Variants in COL18A1 observed in about 807,000 individuals in gnomAD.
COL18A1 encodes collagen alpha-1(XVIII) chain.
In COL18A1, 133 loss-of-function variants were observed where a neutral mutation model predicts 168.0. The ratio of observed to expected loss-of-function variants is 0.79; its 90% CI spans 0.69 to 0.91. COL18A1 has a LOEUF of 0.91. Among genes scored for constraint, COL18A1 ranks in the 40% least tolerant of loss-of-function variants. The pLI, the probability that COL18A1 is intolerant of heterozygous loss-of-function variation, is 0.00. For missense variants in COL18A1, 2,126 were observed against 1,925.4 expected, an observed-to-expected ratio of 1.10 and a Z score of -1.95; for synonymous variants, 949 against 809.0, an observed-to-expected ratio of 1.17 and a Z score of -2.94.
chr21:45,487,267 G>A (rs905708701), intron 16 of COL18A1, among the ~76,000 whole-genome samples, 180 bp from the exon 17 acceptor site: 1 of 152,008 alleles, frequency 6.6e-6, no homozygotes, highest in Admixed American at 6.5e-5. Context: ...GGGCTGCCCC[G>A]GGGGGGCTCC....
intron 15 of COL18A1, among the ~76,000 whole-genome samples, chr21:45,485,715 G>T (rs2036085563): frequency 6.6e-6 from 1 of 152,196 alleles, no homozygotes; most frequent in Non-Finnish European, 1.5e-5. Context: ...GGCAGTCGAG[G>T]ATCACCTTGG....
chr21:45,509,725 G>GGCTCAGGGCC, intron 39 of COL18A1, 124 bp downstream of exon 39: 1 of 728,034 alleles, frequency 1.4e-6, no homozygotes, highest in Non-Finnish European at 2.4e-6. Flanking sequence ...GGGGTCTGGC[G>GGCTCAGGGCC]GCTCAGGGCC....
chr21:45,494,754 G>T (rs1158857663), intron 27 of COL18A1, 108 bp from the exon 28 acceptor site: 1 of 1,277,836 alleles, frequency 7.8e-7, no homozygotes, highest in South Asian at 1.2e-5. Flanking sequence ...CTGATGGGTG[G>T]CCCAGGGTGC....
At position 45,497,628 on chromosome 21, in the gene COL18A1, G is replaced by T. The variant is rs539944051; in HGVS notation, c.2650G>T (p.Ala884Ser). Residue 884 changes from alanine (A) to serine (S), a missense_variant, in exon 32 of 42, where the codon GCC becomes TCC. Physicochemically the swap from Ala to Ser is moderately conservative, Grantham distance 99. Transcript: ENST00000651438. ...TCAGGGCCCTCCAGGACCCAAGGGC[G>T]CCAAAGGAGAAGTGGGCCCCCCCGG... ...GNQGPPGPKG[A>S]KGEVGPPGPP... 1.9e-6 allele frequency: 3 copies of T among 1,569,496 alleles called. No homozygotes were observed. The highest frequency in any genetic ancestry group is 2.6e-6 in the Non-Finnish European group (3 of 1,157,640).
intron 38 of COL18A1, among the ~76,000 whole-genome samples, chr21:45,508,507 T>C (rs1280988735): frequency 1.5e-4 from 22 of 145,916 alleles, no homozygotes; most frequent in African/African-American, 5.3e-4. Flanking sequence ...GGATGGTGGG[T>C]AAGTGGGTTA....
intron 2 of COL18A1, among the ~76,000 whole-genome samples, chr21:45,409,147 G>T (rs2033212651): frequency 6.6e-6 from 1 of 151,390 alleles, no homozygotes; most frequent in South Asian, 2.1e-4. Context: ...GCCAGTCAGA[G>T]CTGCCACCCT....
At chr21:45,479,421 CGTG>C (rs979502802) in intron 9 of COL18A1, among the ~76,000 whole-genome samples, 2 of 151,806 alleles carry the variant, frequency 1.3e-5, no homozygotes, top group African/African-American at 4.9e-5. Flanking sequence ...ACACATCACA[CGTG>C]GACACATGCA....
intron 2 of COL18A1, among the ~76,000 whole-genome samples, chr21:45,426,789 C>T (rs1381120984): frequency 6.6e-6 from 1 of 152,242 alleles, no homozygotes; most frequent in Non-Finnish European, 1.5e-5. Flanking sequence ...ATTCTGGGGC[C>T]TCCTCTCTGT....
chr21:45,495,698 A>G, intron 29 of COL18A1: 1 of 441,574 alleles, frequency 2.3e-6, no homozygotes, highest in South Asian at 2.0e-5. Context: ...ATACATGCCC[A>G]TACACACGCG....
At chr21:45,495,701 C>A in intron 29 of COL18A1, 1 of 426,846 alleles carries the variant, frequency 2.3e-6, no homozygotes, top group Admixed American at 3.6e-5. Flanking sequence ...CATGCCCATA[C>A]ACACGCGCAC....
At chr21:45,437,560 A>ACACT (rs1569288156) in intron 2 of COL18A1, among the ~76,000 whole-genome samples, 1 of 53,430 alleles carries the variant, frequency 1.9e-5, no homozygotes, top group African/African-American at 1.2e-4. Flanking sequence ...ACACACACAC[A>ACACT]CAGACACAGG....
Position 45,405,285 on chromosome 21 carries a change from C to CGGCTGCGGGGGTCGCGG in COL18A1, c.11+47_11+63dup, listed in dbSNP as rs1555966490. 219 of 283,462 alleles carry CGGCTGCGGGGGTCGCGG rather than the reference C, an allele frequency of 7.7e-4. 5 individuals are homozygous for CGGCTGCGGGGGTCGCGG. The East Asian group carries it at 0.015, about 20-fold the overall frequency. The allele number at this position is 283,462 out of a possible 1,614,324, so 17.6% of individuals were successfully genotyped here. On this transcript the variant is annotated intron_variant, in intron 1 of 41. Coordinates refer to ENST00000651438, the MANE Select transcript of COL18A1 (RefSeq NM_001379500.1). The stretch of plus-strand genomic sequence containing the variant: ...GCAGGGGTTGGGGGACGCCAAGATG[C>CGGCTGCGGGGGTCGCGG]GGCTGCGGGGGTCGCGGGGGTCGCG...
At chr21:45,455,115 C>T (rs1490878732) in intron 2 of COL18A1, among the ~76,000 whole-genome samples, 1 of 152,234 alleles carries the variant, frequency 6.6e-6, no homozygotes, top group Non-Finnish European at 1.5e-5. Context: ...CTGGGCGTTC[C>T]AGGTCAGAGG....
chr21:45,440,769 C>A (rs1053473731), intron 2 of COL18A1, among the ~76,000 whole-genome samples: 1 of 152,188 alleles, frequency 6.6e-6, no homozygotes, highest in Admixed American at 6.5e-5. Flanking sequence ...ACGTGGGGAT[C>A]GTGTCTAAGC....
intron 11 of COL18A1, 85 bp downstream of exon 11, chr21:45,480,241 C>A: frequency 2.7e-6 from 3 of 1,131,852 alleles, no homozygotes; most frequent in Non-Finnish European, 2.6e-6. Context: ...GTATCAGCTC[C>A]ACCCTCAGGG....
intron 2 of COL18A1, among the ~76,000 whole-genome samples, chr21:45,432,780 C>T (rs2033997480): frequency 6.6e-6 from 1 of 152,216 alleles, no homozygotes; most frequent in Non-Finnish European, 1.5e-5. Context: ...TGGGACATGG[C>T]CCCGTAGCAG....
intron 32 of COL18A1, chr21:45,503,104 T>C (rs2036952614): frequency 6.6e-6 from 1 of 152,182 alleles, no homozygotes; most frequent in Non-Finnish European, 1.5e-5. Context: ...GATGGCTGGG[T>C]CAAATGGTAT....
chr21:45,503,654 G>T (rs906148811), intron 32 of COL18A1, among the ~76,000 whole-genome samples: 2 of 107,232 alleles, frequency 1.9e-5, no homozygotes, highest in African/African-American at 7.2e-5. Context: ...GGGGAGGGGG[G>T]AGGGATAGCA....
chr21:45,445,210 C>A lies in COL18A1; in HGVS notation c.107-23032C>A, dbSNP rs562939352. Among the ~76,000 whole-genome samples the A allele has an allele frequency of 2.0e-5, 3 of 152,310 alleles. No homozygotes were observed. The East Asian group carries it at 5.8e-4, about 29-fold the overall frequency. ...CTTCCATACGAATTAAACCATGGAA[C>A]GTGTGGTCGTTTCTGTCTGGCTTCT... On this transcript the variant is annotated intron_variant, in intron 2 of 41. Coordinates refer to ENST00000651438, the MANE Select transcript of COL18A1 (RefSeq NM_001379500.1).
Sources: gnomAD v4.1 joint callset for allele counts (sites outside exome capture counted in the v4.1 genomes callset) on GRCh38, gnomAD v4.1.1 for gene constraint, MANE v1.5 for transcripts, NCBI Gene and HGNC (gene_info 2026-07-23, HGNC 2026-07-21) for gene names.